Variants in BZW2 observed in about 807,000 individuals in gnomAD.
The protein encoded by BZW2 is basic leucine zipper and W2 domains 2, also known as eIF5-mimic protein 1.
BZW2 carries 23 observed loss-of-function variants against 53.2 expected under a neutral mutation model. That is an observed-to-expected ratio of 0.43 (90% CI 0.31 to 0.61). BZW2 has a LOEUF of 0.61. Among genes scored for constraint, BZW2 ranks in the 20% least tolerant of loss-of-function variants. BZW2 has a pLI of 0.09. For synonymous variants in BZW2, 227 were observed against 186.4 expected, an observed-to-expected ratio of 1.22 and a Z score of -1.77; for missense variants, 409 against 503.1, an observed-to-expected ratio of 0.81 and a Z score of 1.79.
At chr7:16,667,059 G>A (rs1391389693) in intron 2 of BZW2, among the ~76,000 whole-genome samples, 1 of 152,132 alleles carries the variant, frequency 6.6e-6, no homozygotes, top group East Asian at 1.9e-4. Flanking sequence ...GAGGCGAGTG[G>A]ATCACCTAAG....
At chr7:16,682,968 C>T (rs1196187584) in intron 5 of BZW2, 123 bp downstream of exon 5, 8 of 456,704 alleles carry the variant, frequency 1.8e-5, no homozygotes, top group Admixed American at 8.9e-5. Context: ...GAGGCCGAGA[C>T]GGGTGGGTCA....
intron 10 of BZW2, among the ~76,000 whole-genome samples, chr7:16,701,601 C>T (rs1391703216): frequency 4.6e-5 from 7 of 152,144 alleles, no homozygotes; most frequent in Non-Finnish European, 1.0e-4. Flanking sequence ...AAATAACTAA[C>T]ATGATCTAAA....
At chr7:16,667,239 C>A (rs6964763) in intron 2 of BZW2, among the ~76,000 whole-genome samples, 9,535 of 150,564 alleles carry the variant, frequency 0.063, 360 homozygotes, top group African/African-American at 0.1. Flanking sequence ...CGACATTGCA[C>A]CACTGCACTG....
chr7:16,653,226 G>T (rs1782030912), intron 1 of BZW2, among the ~76,000 whole-genome samples: 1 of 152,106 alleles, frequency 6.6e-6, no homozygotes, highest in South Asian at 2.1e-4. Flanking sequence ...TTAAGCAATT[G>T]CTCCAAAACA....
At chr7:16,675,167 A>G (rs1370557379) in intron 3 of BZW2, among the ~76,000 whole-genome samples, 1 of 152,204 alleles carries the variant, frequency 6.6e-6, no homozygotes, top group Non-Finnish European at 1.5e-5. Context: ...TATTAAGTAG[A>G]TGATTCTAAT....
chr7:16,695,033 A>T, intron 8 of BZW2, 29 bp downstream of exon 8: 7 of 1,503,324 alleles, frequency 4.7e-6, no homozygotes, highest in Non-Finnish European at 5.4e-6. Flanking sequence ...ACATCACCTC[A>T]ATACACATGA....
At chr7:16,669,717 T>A (rs1782541913) in intron 2 of BZW2, among the ~76,000 whole-genome samples, 1 of 152,210 alleles carries the variant, frequency 6.6e-6, no homozygotes, top group South Asian at 2.1e-4. Flanking sequence ...AGGTAATGTA[T>A]ACGCATATTT....
At chr7:16,652,490 C>T (rs1481445924) in intron 1 of BZW2, among the ~76,000 whole-genome samples, 2 of 152,114 alleles carry the variant, frequency 1.3e-5, no homozygotes, top group Non-Finnish European at 2.9e-5. Context: ...ATTTGGCAAA[C>T]AAATAAATGA....
At position 16,694,894 on chromosome 7, in the gene BZW2, G is replaced by A; in HGVS notation, c.712G>A (p.Gly238Ser). 6.3e-7 allele frequency: 1 copy of A among 1,591,884 alleles called. No individual in the cohort carries two copies. The highest frequency in any genetic ancestry group is 8.6e-7 in the Non-Finnish European group (1 of 1,162,802). The change falls in exon 8 of 12, where the codon GGT becomes AGT. Residue 238 changes from glycine (G) to serine (S), a missense_variant. By Grantham distance (56) the Gly-to-Ser change is moderately conservative. This residue lies in a region of BZW2 where 316 missense variants were observed against 366.8 expected (regional missense o/e 0.86). Coordinates refer to ENST00000258761, the MANE Select transcript of BZW2 (RefSeq NM_014038.3). ...TTTTGCTAAATACTTCACTGACGCA[G>A]GTCTTAAGGAGCTTTCCGACTTCCT... ...DHFAKYFTDA[G>S]LKELSDFLRV...
chr7:16,652,221 A>G (rs916420665), intron 1 of BZW2, among the ~76,000 whole-genome samples: 7 of 152,170 alleles, frequency 4.6e-5, no homozygotes, highest in Non-Finnish European at 1.0e-4. Context: ...AAAGTATTCC[A>G]TTCCGCGTGG....
intron 8 of BZW2, chr7:16,696,159 A>G (rs1335755995): frequency 6.6e-6 from 1 of 152,242 alleles, no homozygotes; most frequent in Non-Finnish European, 1.5e-5. Flanking sequence ...AGGTGTTACT[A>G]CTACTCACAA....
chr7:16,688,997 A>G (rs997423862), intron 6 of BZW2, among the ~76,000 whole-genome samples: 1 of 152,178 alleles, frequency 6.6e-6, no homozygotes, highest in Non-Finnish European at 1.5e-5. Flanking sequence ...AGGCCAAGGC[A>G]GGTGGATCAC....
chr7:16,698,641 T>G (rs1316452138), intron 10 of BZW2, among the ~76,000 whole-genome samples: 1 of 152,232 alleles, frequency 6.6e-6, no homozygotes, highest in Admixed American at 6.5e-5. Context: ...CCAGCCATTC[T>G]CCTGTTTTCC....
intron 1 of BZW2, among the ~76,000 whole-genome samples, chr7:16,647,004 T>G (rs1343022210): frequency 3.3e-5 from 5 of 152,076 alleles, no homozygotes; most frequent in Non-Finnish European, 5.9e-5. Context: ...ATTAAATTGG[T>G]GTTGCTGCCT....
intron 3 of BZW2, among the ~76,000 whole-genome samples, chr7:16,679,251 T>G (rs1253264848): frequency 6.6e-6 from 1 of 152,156 alleles, no homozygotes; most frequent in Non-Finnish European, 1.5e-5. Flanking sequence ...TGTTCAGAGA[T>G]TGCAGTAAAG....
intron 3 of BZW2, among the ~76,000 whole-genome samples, chr7:16,675,499 A>G (rs538486618): frequency 1.3e-5 from 2 of 152,292 alleles, no homozygotes; most frequent in South Asian, 4.1e-4. Context: ...ATGTGCATAC[A>G]TTCCTCCATC....
chr7:16,703,645 T>C (rs1783743400), intron 10 of BZW2, among the ~76,000 whole-genome samples: 1 of 152,294 alleles, frequency 6.6e-6, no homozygotes, highest in South Asian at 2.1e-4. Context: ...CCACTACAGA[T>C]TCCCAAACAA....
chr7:16,674,594 C>T lies in BZW2; in HGVS notation c.235+6C>T. On this transcript the variant is annotated splice_donor_region_variant and intron_variant, in intron 3 of 11. Coordinates refer to ENST00000258761, the MANE Select transcript of BZW2 (RefSeq NM_014038.3). Reference sequence around the variant, plus strand: ...GGTGGCTGGCAGTATGCTTGGTAAACCATGCATTATCGCTTCTTGTAGTAT... The same window carrying T: ...GGTGGCTGGCAGTATGCTTGGTAAATCATGCATTATCGCTTCTTGTAGTAT... 3 of 1,574,162 alleles carry T rather than the reference C, an allele frequency of 1.9e-6. No individual in the cohort carries two copies. Among genetic ancestry groups the T allele is most frequent in the Admixed American group, 1.8e-5 (1 of 55,008 alleles).
At chr7:16,673,583 A>T (rs1023036944) in intron 2 of BZW2, among the ~76,000 whole-genome samples, 1 of 152,196 alleles carries the variant, frequency 6.6e-6, no homozygotes, top group African/African-American at 2.4e-5. Flanking sequence ...CTTAAAATAA[A>T]TATCCATAGA....
Sources: gnomAD v4.1 joint callset for allele counts (sites outside exome capture counted in the v4.1 genomes callset) on GRCh38, gnomAD v4.1.1 for gene constraint, gnomAD v4.1.1 regional missense constraint, MANE v1.5 for transcripts, NCBI Gene and HGNC (gene_info 2026-07-23, HGNC 2026-07-21) for gene names.